CEP63: variants seen among roughly 807,000 people sequenced by gnomAD.
CEP63 encodes the protein centrosomal protein of 63 kDa.
In CEP63, 84 loss-of-function variants were observed where a neutral mutation model predicts 89.1. The observed-to-expected ratio is 0.94, with a 90% confidence interval of 0.79 to 1.13. CEP63 has a LOEUF of 1.13. Among genes scored for constraint, CEP63 ranks in the 50% most tolerant of loss-of-function variants. The probability of loss-of-function intolerance (pLI) is 0.00; values close to 1 mark genes in which losing one functional copy is unlikely to be tolerated. For missense variants in CEP63, 838 were observed against 813.3 expected (o/e 1.03, Z -0.37); for synonymous variants, 267 against 272.5 (o/e 0.98, Z 0.20).
chr3:134,540,184 C>T (rs1031457453), intron 6 of CEP63, among the ~76,000 whole-genome samples: 1 of 152,106 alleles, frequency 6.6e-6, no homozygotes, highest in Non-Finnish European at 1.5e-5. Context: ...AGAATGCTTA[C>T]TAAGTGACAG....
intron 6 of CEP63, 58 bp from the exon 7 acceptor site, chr3:134,545,527 AT>A: frequency 8.5e-7 from 1 of 1,181,070 alleles, no homozygotes; most frequent in African/African-American, 1.5e-5. Context: ...TTTTAGTCTT[AT>A]TCATTGATTA....
At chr3:134,711,818 A>C in the CEP63 span, among the ~76,000 whole-genome samples, 4 of 147,948 alleles carry the variant, frequency 2.7e-5, no homozygotes, top group African/African-American at 5.0e-5. Flanking sequence ...GCTGGAGTGC[A>C]GTGGTGCAAT....
intron 3 of CEP63, among the ~76,000 whole-genome samples, chr3:134,528,569 CGTGTGTGTGTGT>C (rs34415967): frequency 1.4e-5 from 2 of 147,024 alleles, no homozygotes; most frequent in African/African-American, 2.5e-5. Flanking sequence ...TGTGTGTGTG[CGTGTGTGTGTGT>C]GTGTGTGTGT....
rs1373167707 is a variant in CEP63 at position 134,528,551 on chromosome 3, G to A, written c.223-3294G>A. 3.1e-5 allele frequency among the ~76,000 whole-genome samples: 3 copies of A among 95,482 alleles called. No homozygotes were observed. The Admixed American group carries it at 3.6e-4, about 12-fold the overall frequency. The allele number at this position is 95,482 out of a possible 152,430, so 62.6% of individuals were successfully genotyped here. ...GGCCACACTACTGAAAGCTTAAGGA[G>A]GGGTGTGTGTGTGTGTGCGTGTGTG... On this transcript the variant is annotated intron_variant, in intron 3 of 14. Transcript: ENST00000675561.
chr3:134,714,783 C>A, the CEP63 span, among the ~76,000 whole-genome samples: 7 of 152,350 alleles, frequency 4.6e-5, 1 homozygote, highest in South Asian at 1.2e-3. Context: ...ATGAGCCAGT[C>A]TCCTGGCCAG....
At chr3:134,599,982 G>T in the CEP63 span, among the ~76,000 whole-genome samples, 12 of 152,240 alleles carry the variant, frequency 7.9e-5, no homozygotes, top group Non-Finnish European at 1.3e-4. Flanking sequence ...CATGGAGAAA[G>T]CATACTCAAC....
At chr3:134,648,800 A>C in the CEP63 span, among the ~76,000 whole-genome samples, 3 of 152,190 alleles carry the variant, frequency 2.0e-5, no homozygotes, top group Non-Finnish European at 4.4e-5. Context: ...GCATTGCAAC[A>C]ATAATTGAGC....
chr3:134,488,980 A>AC (rs1278340093), intron 1 of CEP63, among the ~76,000 whole-genome samples: 1 of 151,856 alleles, frequency 6.6e-6, no homozygotes, highest in Non-Finnish European at 1.5e-5. Flanking sequence ...ACATGGTGAA[A>AC]CCCCGTCTCT....
chr3:134,514,356 A>C (rs1945733537), intron 3 of CEP63, among the ~76,000 whole-genome samples: 1 of 152,162 alleles, frequency 6.6e-6, no homozygotes. Flanking sequence ...GTCTAATATA[A>C]GTGTTTTTGG....
At chr3:134,781,884 T>C in the CEP63 span, among the ~76,000 whole-genome samples, 1 of 152,158 alleles carries the variant, frequency 6.6e-6, no homozygotes, top group Non-Finnish European at 1.5e-5. Context: ...TTTTCATCTC[T>C]CTTTTATGTC....
chr3:134,742,192 A>G, the CEP63 span, among the ~76,000 whole-genome samples: 1 of 152,078 alleles, frequency 6.6e-6, no homozygotes, highest in Non-Finnish European at 1.5e-5. Context: ...CTGATCAGCT[A>G]CTACTCCTCT....
At chr3:134,546,859 G>GT (rs1292933071) in intron 8 of CEP63, among the ~76,000 whole-genome samples, 1 of 152,206 alleles carries the variant, frequency 6.6e-6, no homozygotes, top group Non-Finnish European at 1.5e-5. Context: ...TGCATGCTTG[G>GT]TGAAAATCCA....
the CEP63 span, among the ~76,000 whole-genome samples, chr3:134,701,951 G>A: frequency 6.6e-6 from 1 of 152,074 alleles, no homozygotes; most frequent in Non-Finnish European, 1.5e-5. Flanking sequence ...CTGAATCTGG[G>A]CTAGGGCTTT....
the CEP63 span, among the ~76,000 whole-genome samples, chr3:134,719,987 C>G: frequency 3.3e-5 from 5 of 151,982 alleles, no homozygotes; most frequent in African/African-American, 1.2e-4. Flanking sequence ...GGGTATATAC[C>G]TAGGAGTAGA....
At chr3:134,538,971 C>G (rs544198823) in intron 6 of CEP63, among the ~76,000 whole-genome samples, 44 of 152,162 alleles carry the variant, frequency 2.9e-4, no homozygotes, top group Non-Finnish European at 4.0e-4. Flanking sequence ...TTTCAACAGC[C>G]AACATTTGTT....
At chr3:134,712,005 C>T in the CEP63 span, among the ~76,000 whole-genome samples, 1 of 152,268 alleles carries the variant, frequency 6.6e-6, no homozygotes, top group Non-Finnish European at 1.5e-5. Context: ...CCACCCTCCT[C>T]GGCCTCCCAA....
At chr3:134,679,012 A>T in the CEP63 span, among the ~76,000 whole-genome samples, 1 of 151,436 alleles carries the variant, frequency 6.6e-6, no homozygotes, top group African/African-American at 2.4e-5. Flanking sequence ...AAAGCTGGTG[A>T]TGTATAGACC....
chr3:134,611,563 A>G, the CEP63 span, among the ~76,000 whole-genome samples: 18 of 152,360 alleles, frequency 1.2e-4, no homozygotes, highest in South Asian at 3.7e-3. Context: ...CCTTGCACTC[A>G]TGGAAAATTG....
At chr3:134,709,031 G>A in the CEP63 span, among the ~76,000 whole-genome samples, 1 of 152,208 alleles carries the variant, frequency 6.6e-6, no homozygotes, top group Non-Finnish European at 1.5e-5. Context: ...CCACAGCTCA[G>A]TGTCCTGTGG....
Sources: gnomAD v4.1 joint callset for allele counts (sites outside exome capture counted in the v4.1 genomes callset) on GRCh38, gnomAD v4.1.1 for gene constraint, MANE v1.5 for transcripts, NCBI Gene and HGNC (gene_info 2026-07-23, HGNC 2026-07-21) for gene names.